The following HS6ST3 variants were observed in gnomAD, a reference collection of about 807,000 sequenced individuals.
The protein encoded by HS6ST3 is heparan-sulfate 6-O-sulfotransferase 3.
HS6ST3 carries 12 observed loss-of-function variants against 36.7 expected under a neutral mutation model. The observed-to-expected ratio is 0.33, with a 90% CI of 0.21 to 0.53. HS6ST3 has a LOEUF of 0.53. HS6ST3 is among the 20% of genes least tolerant of loss of function. HS6ST3 has a pLI of 0.95. For missense variants in HS6ST3, 584 were observed against 640.9 expected (o/e 0.91, Z 0.96); for synonymous variants, 240 against 257.5 (o/e 0.93, Z 0.65).
At chr13:96,541,769 T>C (rs1471857658) in intron 1 of HS6ST3, among the ~76,000 whole-genome samples, 1 of 152,206 alleles carries the variant, frequency 6.6e-6, no homozygotes, top group African/African-American at 2.4e-5. Context: ...GTTTGCCCAG[T>C]ATGCCATGGC....
At chr13:96,664,079 T>C (rs2056655434) in intron 1 of HS6ST3, among the ~76,000 whole-genome samples, 1 of 152,174 alleles carries the variant, frequency 6.6e-6, no homozygotes. Flanking sequence ...TATAAATTTA[T>C]TGAGAATCAT....
At chr13:96,262,395 A>G (rs542293503) in intron 1 of HS6ST3, among the ~76,000 whole-genome samples, 1 of 152,278 alleles carries the variant, frequency 6.6e-6, no homozygotes, top group Non-Finnish European at 1.5e-5. Flanking sequence ...GTCTGGGTGG[A>G]TATTTCTGTC....
intron 1 of HS6ST3, among the ~76,000 whole-genome samples, chr13:96,183,488 A>G (rs1385391002): frequency 6.6e-6 from 1 of 152,154 alleles, no homozygotes; most frequent in Non-Finnish European, 1.5e-5. Context: ...CCTTCTAATT[A>G]TAACCCTATC....
intron 1 of HS6ST3, among the ~76,000 whole-genome samples, chr13:96,216,057 G>A (rs1030460971): frequency 2.0e-5 from 3 of 152,174 alleles, no homozygotes; most frequent in African/African-American, 7.2e-5. Flanking sequence ...GGTAAACATG[G>A]ATAAGTTCTT....
chr13:96,401,316 A>G (rs769330710), intron 1 of HS6ST3, among the ~76,000 whole-genome samples: 14 of 138,088 alleles, frequency 1.0e-4, no homozygotes, highest in Non-Finnish European at 2.2e-4. Context: ...GTTGATGTCA[A>G]TACAAACTTA....
chr13:96,466,499 G>A (rs2055814387), intron 1 of HS6ST3, among the ~76,000 whole-genome samples: 1 of 152,048 alleles, frequency 6.6e-6, no homozygotes, highest in Non-Finnish European at 1.5e-5. Context: ...GACTCCTTTG[G>A]TTCCACATGT....
chr13:96,550,685 T>G (rs374230303), intron 1 of HS6ST3, among the ~76,000 whole-genome samples: 1 of 152,204 alleles, frequency 6.6e-6, no homozygotes, highest in Non-Finnish European at 1.5e-5. Flanking sequence ...TACTCAAAAC[T>G]TGGCGTAATT....
intron 1 of HS6ST3, among the ~76,000 whole-genome samples, chr13:96,686,100 C>T (rs1874769897): frequency 6.6e-6 from 1 of 151,946 alleles, no homozygotes; most frequent in Non-Finnish European, 1.5e-5. Context: ...AAGGCGTTTG[C>T]CTGCAGTTAC....
intron 1 of HS6ST3, among the ~76,000 whole-genome samples, chr13:96,600,329 TAC>T (rs34142366): frequency 0.34 from 49,563 of 145,894 alleles, 8,324 homozygotes; most frequent in East Asian, 0.56. Flanking sequence ...TGGAGTTAGG[TAC>T]ACACACACAC....
At chr13:96,667,720 G>A (rs1317122212) in intron 1 of HS6ST3, among the ~76,000 whole-genome samples, 2 of 152,132 alleles carry the variant, frequency 1.3e-5, no homozygotes, top group East Asian at 1.9e-4. Flanking sequence ...TTGTTAAAAT[G>A]GTGTAAACAT....
At chr13:96,133,843 G>GTTTTTTTTTTT (rs71113979) in intron 1 of HS6ST3, among the ~76,000 whole-genome samples, 1 of 142,158 alleles carries the variant, frequency 7.0e-6, no homozygotes, top group South Asian at 2.2e-4. Flanking sequence ...GAGCTTTTAT[G>GTTTTTTTTTTT]TTTTTTTTTT....
intron 1 of HS6ST3, among the ~76,000 whole-genome samples, chr13:96,283,196 T>C (rs920984949): frequency 2.6e-5 from 4 of 152,224 alleles, no homozygotes; most frequent in African/African-American, 9.6e-5. Flanking sequence ...CATTTATTTG[T>C]ATATTTGTTT....
At chr13:96,538,036 C>G (rs972367384) in intron 1 of HS6ST3, among the ~76,000 whole-genome samples, 3 of 152,184 alleles carry the variant, frequency 2.0e-5, no homozygotes, top group Non-Finnish European at 4.4e-5. Flanking sequence ...GAAGGTTATG[C>G]TTCACCTATA....
intron 1 of HS6ST3, among the ~76,000 whole-genome samples, chr13:96,303,923 A>T (rs2054895843): frequency 6.6e-6 from 1 of 152,128 alleles, no homozygotes; most frequent in Non-Finnish European, 1.5e-5. Flanking sequence ...TGGGTGTATC[A>T]CCAGAGGTCA....
At chr13:96,770,659 G>A (rs750377268) in intron 1 of HS6ST3, among the ~76,000 whole-genome samples, 1 of 152,166 alleles carries the variant, frequency 6.6e-6, no homozygotes, top group South Asian at 2.1e-4. Flanking sequence ...AATGGGTATT[G>A]AATTAGAGAT....
chr13:96,609,961 A>G (rs951673002), intron 1 of HS6ST3, among the ~76,000 whole-genome samples: 4 of 152,228 alleles, frequency 2.6e-5, no homozygotes, highest in African/African-American at 9.6e-5. Flanking sequence ...GGTAAACCTC[A>G]TAAGAACAGC....
intron 1 of HS6ST3, among the ~76,000 whole-genome samples, chr13:96,187,928 A>G (rs2054271861): frequency 1.3e-5 from 2 of 152,160 alleles, no homozygotes; most frequent in Admixed American, 1.3e-4. Context: ...ATTGGTGTCT[A>G]TGTTGGTCCT....
At chr13:96,130,136 G>T (rs1332204335) in intron 1 of HS6ST3, among the ~76,000 whole-genome samples, 1 of 152,180 alleles carries the variant, frequency 6.6e-6, no homozygotes, top group South Asian at 2.1e-4. Context: ...TGGGGAGAAG[G>T]ATGCTAACTT....
chr13:96,346,728 C>T (rs1446365110), intron 1 of HS6ST3, among the ~76,000 whole-genome samples: 2 of 152,110 alleles, frequency 1.3e-5, no homozygotes, highest in African/African-American at 2.4e-5. Flanking sequence ...ATGAAACTGG[C>T]CTGTAAGGCA....
Sources: allele counts gnomAD v4.1 joint callset (sites outside exome capture counted in the v4.1 genomes callset), GRCh38; gene constraint gnomAD v4.1.1; transcripts MANE v1.5; gene names NCBI Gene and HGNC (gene_info 2026-07-23, HGNC 2026-07-21).